The following SLC12A4 variants were observed in gnomAD, a reference collection of about 807,000 sequenced individuals.
SLC12A4 encodes the protein solute carrier family 12 member 4.
SLC12A4 carries 84 observed loss-of-function variants against 119.2 expected under a neutral mutation model. The observed-to-expected ratio is 0.70, with a 90% CI of 0.59 to 0.85. The LOEUF (loss-of-function observed/expected upper bound fraction) is 0.85. Ranked by LOEUF, SLC12A4 falls within the 40% of genes least tolerant of loss-of-function variation. The probability of loss-of-function intolerance (pLI) is 0.00; values close to 1 mark genes in which losing one functional copy is unlikely to be tolerated. For synonymous variants in SLC12A4, 599 were observed against 604.6 expected, an observed-to-expected ratio of 0.99 and a Z score of 0.14; for missense variants, 1,298 against 1,476.3, an observed-to-expected ratio of 0.88 and a Z score of 1.98.
chr16:67,949,462 A>C lies in SLC12A4; in HGVS notation c.1748+338T>G, dbSNP rs909159285. On this transcript the variant is annotated intron_variant, in intron 13 of 23. Transcript: ENST00000316341. This position sits in a 1 kb window ranked among gnomAD's most constrained non-coding sequence, Gnocchi z 4.6. Reference sequence around the variant, plus strand: ...TGAGACTCTGTCTCAAAAAAAAAAAACAAAAACCAAAAAACAAACTAACAG... The same window carrying C: ...TGAGACTCTGTCTCAAAAAAAAAAACCAAAAACCAAAAAACAAACTAACAG... 1.6e-5 allele frequency: 3 copies of C among 190,112 alleles called. No homozygotes were observed. Among genetic ancestry groups the C allele is most frequent in the African/African-American group, 4.8e-5 (2 of 42,068 alleles). 11.8% of individuals were successfully genotyped at this position (190,112 alleles called of 1,614,324 possible). A position where few individuals can be genotyped will look rare whatever the true frequency, so the allele number is the denominator to read the frequency against.
chr16:67,965,156 C>T (rs538146739), intron 1 of SLC12A4, among the ~76,000 whole-genome samples: 3 of 152,294 alleles, frequency 2.0e-5, no homozygotes, highest in East Asian at 3.9e-4. Context: ...TCATGTCGGA[C>T]ACTCTATGAT....
intron 3 of SLC12A4, 71 bp downstream of exon 3, chr16:67,961,504 G>A (rs2030564049): frequency 1.3e-6 from 2 of 1,571,152 alleles, no homozygotes; most frequent in African/African-American, 1.3e-5. Context: ...ACCATGTGGG[G>A]AAACAGTCAA....
Position 67,950,576 on chromosome 16 carries a change from C to A in SLC12A4, c.1454+78G>T. 1 of 1,608,316 alleles carries A rather than the reference C, an allele frequency of 6.2e-7. No individual in the cohort carries two copies. The highest frequency in any genetic ancestry group is 1.1e-5 in the South Asian group (1 of 90,576). ...CAAAGGCAGCCAGCAGGCTTAGGAC[C>A]ACCCACGGGGTTGGGAGCTGGTGTG... On this transcript the variant is annotated intron_variant, in intron 11 of 23. Coordinates refer to ENST00000316341, the MANE Select transcript of SLC12A4 (RefSeq NM_005072.5). The surrounding 1 kb of genome is among the most constrained non-coding windows in gnomAD (Gnocchi z 4.3).
At chr16:67,946,867 C>A in intron 17 of SLC12A4, 70 bp downstream of exon 17, 1 of 1,524,048 alleles carries the variant, frequency 6.6e-7, no homozygotes, top group Admixed American at 1.9e-5. Context: ...AGACTGGGCC[C>A]TCCCCTCCGT....
chr16:67,963,807 G>A (rs2030712334), intron 1 of SLC12A4: 2 of 1,318,586 alleles, frequency 1.5e-6, no homozygotes, highest in South Asian at 1.4e-5. Context: ...TGAGGGCGCA[G>A]GCGCCCTAGC....
At position 67,950,994 on chromosome 16, in the gene SLC12A4, G is replaced by A. The variant is rs1362814037; in HGVS notation, c.1364C>T (p.Thr455Ile). Residue 455 changes from threonine to isoleucine, a missense_variant, in exon 10 of 24, where the codon ACC becomes ATC. Transcript: ENST00000316341. This position sits in a 1 kb window ranked among gnomAD's most constrained non-coding sequence, Gnocchi z 4.3. The part of the protein sequence containing the change: ...RDAQKSIPVG[T>I]ILAIITTSLV... The stretch of plus-strand genomic sequence containing the variant: ...GGAAGTTGTAATGATGGCCAGAATG[G>A]TCCCCACAGGGATAGACTTCTGGGC... 1 of 1,613,880 alleles carries A rather than the reference G, an allele frequency of 6.2e-7. No individual in the cohort carries two copies.
In SLC12A4 at chr16:67,945,967, A is replaced by G. The variant is rs751777248; in HGVS notation, c.2723T>C (p.Val908Ala). 1.9e-6 allele frequency: 3 copies of G among 1,613,388 alleles called. No homozygotes were observed. In the Admixed American group the frequency reaches 5.0e-5, roughly 27 times the overall value. The change falls in exon 20 of 24, where the codon GTG (valine) becomes GCG (alanine). Residue 908 changes from valine to alanine, a missense_variant. Val to Ala is a moderately conservative substitution (Grantham distance 64). Transcript: ENST00000316341. ...FLYHLRLEAE[V>A]EVVEMHNSDI... ...AGGGCTCACCATCTCCACCACCTCC[A>G]CCTCGGCCTCAAGGCGCAGATGGTA...
At chr16:67,947,524 A>C (rs917045014) in intron 15 of SLC12A4, 89 bp from the exon 16 acceptor site, 21 of 1,501,322 alleles carry the variant, frequency 1.4e-5, no homozygotes, top group Non-Finnish European at 1.8e-5. Flanking sequence ...TCTGCCCCTC[A>C]AGACCACCCA....
At chr16:67,958,065 G>C (rs1303962409) in intron 3 of SLC12A4, 21 bp from the exon 4 acceptor site, 1 of 1,610,108 alleles carries the variant, frequency 6.2e-7, no homozygotes, top group Non-Finnish European at 8.5e-7. Context: ...ACAAAGGGAG[G>C]GGGCGAGTAG....
intron 5 of SLC12A4, 148 bp downstream of exon 5, chr16:67,957,594 C>A (rs917020061): frequency 2.5e-6 from 2 of 803,186 alleles, no homozygotes; most frequent in African/African-American, 1.7e-5. Flanking sequence ...CAGGAAAGCT[C>A]CTACGTGGGC....
intron 3 of SLC12A4, 77 bp from the exon 4 acceptor site, chr16:67,958,121 CA>C: frequency 6.6e-7 from 1 of 1,513,820 alleles, no homozygotes; most frequent in Non-Finnish European, 8.9e-7. Context: ...AGTCACTCAG[CA>C]GGCCCCCTCC....
intron 1 of SLC12A4, chr16:67,964,015 C>G: frequency 3.9e-6 from 6 of 1,551,114 alleles, no homozygotes; most frequent in Non-Finnish European, 4.4e-6. Flanking sequence ...CACACAGCAC[C>G]TTCGGCTGCC....
chr16:67,947,814 A>G lies in SLC12A4; in HGVS notation c.1848-26T>C, dbSNP rs1227258158. On this transcript the variant is annotated intron_variant, in intron 14 of 23. Transcript: ENST00000316341. ...CTGGACGAGAGGGGAGGGCAGAGTC[A>G]GGGCAGGACCAGGAGGACCCCTGGC... is the stretch of plus-strand genomic sequence containing the variant. The G allele has an allele frequency of 1.9e-6, 3 of 1,566,856 alleles. No individual in the cohort carries two copies. The East Asian group carries it at 7.1e-5, about 37-fold the overall frequency.
At chr16:67,956,263 T>C (rs1334986284) in intron 5 of SLC12A4, among the ~76,000 whole-genome samples, 2 of 152,202 alleles carry the variant, frequency 1.3e-5, no homozygotes, top group African/African-American at 4.8e-5. Context: ...TGCTGGGGCA[T>C]GAACAAAGAT....
At chr16:67,960,102 G>C (rs1211626515) in intron 3 of SLC12A4, among the ~76,000 whole-genome samples, 1 of 152,216 alleles carries the variant, frequency 6.6e-6, no homozygotes, top group Non-Finnish European at 1.5e-5. Context: ...GCATCCTCAC[G>C]GGTTCCCCAT....
At chr16:67,959,991 C>T (rs1171692365) in intron 3 of SLC12A4, among the ~76,000 whole-genome samples, 1 of 152,252 alleles carries the variant, frequency 6.6e-6, no homozygotes, top group East Asian at 1.9e-4. Context: ...AGACTTGACC[C>T]AGCTCCTCCT....
In SLC12A4 at chr16:67,949,750, G is replaced by A. The variant is rs2058392020; in HGVS notation, c.1748+50C>T. ...AGACGCAGCCACGGGGAGGTGCTGG[G>A]GTTCAGGAAGCCTTTCCCCATCCCC... On this transcript the variant is annotated intron_variant, in intron 13 of 23. Coordinates refer to ENST00000316341, the MANE Select transcript of SLC12A4 (RefSeq NM_005072.5). This position sits in a 1 kb window ranked among gnomAD's most constrained non-coding sequence, Gnocchi z 4.6. 1.6e-6 allele frequency: 2 copies of A among 1,278,908 alleles called. No homozygotes were observed. Among genetic ancestry groups the A allele is most frequent in the South Asian group, 1.3e-5 (1 of 79,432 alleles). The allele number at this position is 1,278,908 out of a possible 1,614,324, so 79.2% of individuals were successfully genotyped here.
chr16:67,946,275 G>A lies in SLC12A4; in HGVS notation c.2503C>T (p.Pro835Ser), dbSNP rs866218025. 1.2e-6 allele frequency: 2 copies of A among 1,613,486 alleles called. No individual in the cohort carries two copies. Among genetic ancestry groups the A allele is most frequent in the Admixed American group, 3.3e-5 (2 of 60,034 alleles). Residue 835 changes from proline (P) to serine (S), a missense_variant, in exon 19 of 24, where the codon CCC (proline) becomes TCC (serine). By Grantham distance (74) the Pro-to-Ser change is moderately conservative (BLOSUM62 -1). Coordinates refer to ENST00000316341, the MANE Select transcript of SLC12A4 (RefSeq NM_005072.5). ...TCCAGGTAGCGCTCGTGGTTGCTGG[G>A]GTAGAAGGCGATGTTCTTGGGCACG... ...LLVPKNIAFY[P>S]SNHERYLEGH...
chr16:67,948,165 G>A lies in SLC12A4; in HGVS notation c.1749-6C>T. The A allele has an allele frequency of 6.2e-7, 1 of 1,613,004 alleles. No individual in the cohort carries two copies. Among genetic ancestry groups the A allele is most frequent in the South Asian group, 1.1e-5 (1 of 91,086 alleles). ...GGTAGCACATCAGAAAGAACCTGCG[G>A]CACAGAGGGCGGTTGGCGAAGAGCA... On this transcript the variant is annotated splice_polypyrimidine_tract_variant and splice_region_variant and intron_variant, in intron 13 of 23. Transcript: ENST00000316341.
Sources: allele counts gnomAD v4.1 joint callset (sites outside exome capture counted in the v4.1 genomes callset), GRCh38; gene constraint gnomAD v4.1.1; non-coding constraint Gnocchi (gnomAD v3.1); transcripts MANE v1.5; gene names NCBI Gene and HGNC (gene_info 2026-07-23, HGNC 2026-07-21).